The following TRHDE variants were observed in gnomAD, a reference collection of about 807,000 sequenced individuals.
TRHDE encodes the protein thyrotropin-releasing hormone-degrading ectoenzyme.
Under a neutral mutation model 125.7 loss-of-function variants are expected in TRHDE, and 72 were observed. The observed-to-expected ratio is 0.57, with a 90% CI of 0.47 to 0.70. The LOEUF is 0.70. Among genes scored for constraint, TRHDE ranks in the 30% least tolerant of loss-of-function variants. The probability of loss-of-function intolerance (pLI) is 0.00; values close to 1 mark genes in which losing one functional copy is unlikely to be tolerated. For missense variants in TRHDE, 1,110 were observed against 1,327.1 expected, an observed-to-expected ratio of 0.84 and a Z score of 2.54; for synonymous variants, 509 against 509.1, an observed-to-expected ratio of 1.00 and a Z score of 0.00.
At chr12:72,359,301 A>C (rs1435060753) in intron 2 of TRHDE, among the ~76,000 whole-genome samples, 1 of 151,672 alleles carries the variant, frequency 6.6e-6, no homozygotes, top group Non-Finnish European at 1.5e-5. Flanking sequence ...AGCAAGAATT[A>C]TGGTTGGTAG....
intron 7 of TRHDE, among the ~76,000 whole-genome samples, chr12:72,561,781 A>G (rs2136010157): frequency 6.6e-6 from 1 of 152,246 alleles, no homozygotes; most frequent in Admixed American, 6.5e-5. Flanking sequence ...TCTTTTTTTC[A>G]TAAAATATTT....
At chr12:72,410,173 A>G (rs10879422) in intron 3 of TRHDE, among the ~76,000 whole-genome samples, 8,588 of 152,000 alleles carry the variant, frequency 0.057, 329 homozygotes, top group Middle Eastern at 0.12. Flanking sequence ...AAATGAACAA[A>G]TTCCTAGAAA....
chr12:72,137,377 A>G (rs1384323794), intron 2 of TRHDE: 2 of 152,182 alleles, frequency 1.3e-5, no homozygotes, highest in Non-Finnish European at 2.9e-5. Context: ...CCTATATGCT[A>G]TTAATAATGT....
At chr12:72,124,125 C>T (rs1375987183) in intron 2 of TRHDE, among the ~76,000 whole-genome samples, 1 of 152,140 alleles carries the variant, frequency 6.6e-6, no homozygotes. Flanking sequence ...AGCCTCCATA[C>T]ATCTAATTCG....
intron 5 of TRHDE, among the ~76,000 whole-genome samples, chr12:72,496,948 T>C (rs964148723): frequency 3.9e-5 from 6 of 152,122 alleles, no homozygotes; most frequent in Admixed American, 2.0e-4. Flanking sequence ...TCTGTTAAAT[T>C]GAGTTTGCTT....
intron 12 of TRHDE, among the ~76,000 whole-genome samples, chr12:72,593,563 C>A (rs542505690): frequency 6.6e-6 from 1 of 151,846 alleles, no homozygotes; most frequent in African/African-American, 2.4e-5. Flanking sequence ...CTGTGCACAA[C>A]GTGCAGGTTT....
Position 72,272,590 on chromosome 12 carries a change from G to A in TRHDE, c.-54G>A. The A allele has an allele frequency of 1.4e-6, 1 of 704,628 alleles. No homozygotes were observed. The highest frequency in any genetic ancestry group is 2.9e-5 in the East Asian group (1 of 34,802). The allele number at this position is 704,628 out of a possible 1,614,324, so 43.6% of individuals were successfully genotyped here. The stretch of plus-strand genomic sequence containing the variant: ...TGCCTGCTCTGGCTGTGGCCCGGGT[G>A]GCCCGCCCGCGGGGGGTGCCAGAGG... On this transcript the variant is annotated 5_prime_UTR_variant, in exon 1 of 19. Coordinates refer to ENST00000261180, the MANE Select transcript of TRHDE (RefSeq NM_013381.3). The surrounding 1 kb of genome is among the most constrained non-coding windows in gnomAD (Gnocchi z 6.7).
chr12:72,659,542 AC>A (rs1240526112), intron 18 of TRHDE, among the ~76,000 whole-genome samples: 1 of 152,202 alleles, frequency 6.6e-6, no homozygotes, highest in East Asian at 1.9e-4. Flanking sequence ...CTATTCATTT[AC>A]ATAGTTATTA....
At chr12:72,127,857 T>TTGTGTGTATATATATATG (rs1875758478) in intron 2 of TRHDE, among the ~76,000 whole-genome samples, 1 of 152,010 alleles carries the variant, frequency 6.6e-6, no homozygotes, top group Non-Finnish European at 1.5e-5. Flanking sequence ...CAGAGAGACA[T>TTGTGTGTATATATATATG]TGTGTGTATA....
intron 2 of TRHDE, among the ~76,000 whole-genome samples, chr12:72,148,366 T>TA (rs1328245347): frequency 2.6e-5 from 4 of 152,216 alleles, no homozygotes; most frequent in Non-Finnish European, 4.4e-5. Flanking sequence ...TTTAATTATT[T>TA]AATCAATTTA....
chr12:72,190,558 G>A (rs1877317591), intron 2 of TRHDE, among the ~76,000 whole-genome samples: 1 of 152,160 alleles, frequency 6.6e-6, no homozygotes, highest in African/African-American at 2.4e-5. Flanking sequence ...TGGAAGATTG[G>A]TGGTAAGTAA....
intron 15 of TRHDE, among the ~76,000 whole-genome samples, chr12:72,649,567 C>G (rs1874422046): frequency 6.6e-6 from 1 of 151,950 alleles, no homozygotes; most frequent in Non-Finnish European, 1.5e-5. Context: ...AGCTTCTGCA[C>G]AGCAAAGGGA....
chr12:72,377,497 G>A (rs1871942778), intron 2 of TRHDE, among the ~76,000 whole-genome samples: 1 of 151,828 alleles, frequency 6.6e-6, no homozygotes, highest in Non-Finnish European at 1.5e-5. Flanking sequence ...TGCATATTGG[G>A]AATAAAGACA....
At chr12:72,238,067 GAATGA>G (rs911933358) in intron 2 of TRHDE, among the ~76,000 whole-genome samples, 23 of 151,674 alleles carry the variant, frequency 1.5e-4, no homozygotes, top group African/African-American at 5.1e-4. Context: ...CATTGACATT[GAATGA>G]AATGGAGAGT....
intron 3 of TRHDE, among the ~76,000 whole-genome samples, chr12:72,468,416 C>G (rs1040430034): frequency 1.3e-5 from 2 of 152,188 alleles, no homozygotes; most frequent in African/African-American, 2.4e-5. Context: ...ACTTAATTTT[C>G]TCTTTTCACC....
intron 5 of TRHDE, among the ~76,000 whole-genome samples, chr12:72,491,007 AAATAG>A (rs1213455552): frequency 2.2e-4 from 34 of 151,672 alleles, no homozygotes; most frequent in African/African-American, 7.2e-4. Context: ...AAAAAAAAAA[AAATAG>A]ATAGCTGTGA....
intron 15 of TRHDE, among the ~76,000 whole-genome samples, chr12:72,651,011 T>C (rs189201139): frequency 6.6e-6 from 1 of 152,244 alleles, no homozygotes; most frequent in Admixed American, 6.5e-5. Context: ...AGTGCTGAGA[T>C]GGAAAACAAG....
intron 2 of TRHDE, among the ~76,000 whole-genome samples, chr12:72,146,474 T>C (rs934963062): frequency 2.0e-5 from 3 of 152,208 alleles, no homozygotes; most frequent in Non-Finnish European, 2.9e-5. Flanking sequence ...TTTCCAGATA[T>C]GAATATATTT....
At chr12:72,445,905 C>T (rs890231213) in intron 3 of TRHDE, among the ~76,000 whole-genome samples, 1 of 151,864 alleles carries the variant, frequency 6.6e-6, no homozygotes, top group Non-Finnish European at 1.5e-5. Flanking sequence ...CAACACTGGG[C>T]CTGCATTCCC....
Sources: gnomAD v4.1 joint callset for allele counts (sites outside exome capture counted in the v4.1 genomes callset) on GRCh38, gnomAD v4.1.1 for gene constraint, Gnocchi (gnomAD v3.1) non-coding constraint, MANE v1.5 for transcripts, NCBI Gene and HGNC (gene_info 2026-07-23, HGNC 2026-07-21) for gene names.